Variants in PRKD2 observed in about 807,000 individuals in gnomAD.
The protein encoded by PRKD2 is serine/threonine-protein kinase D2.
PRKD2 carries 22 observed loss-of-function variants against 86.0 expected under a neutral mutation model. That is an observed-to-expected ratio of 0.26 (90% confidence interval 0.18 to 0.37). The LOEUF (loss-of-function observed/expected upper bound fraction) is 0.37, where lower values mean the gene tolerates loss of function less well. PRKD2 is among the 10% of genes least tolerant of loss of function. The pLI, the probability that PRKD2 is intolerant of heterozygous loss-of-function variation, is 1.00. For missense variants in PRKD2, 818 were observed against 1,199.2 expected (o/e 0.68, Z 4.70); for synonymous variants, 509 against 510.9 (o/e 1.00, Z 0.05).
At chr19:46,675,619 AT>A (rs1168942458) in intron 16 of PRKD2, among the ~76,000 whole-genome samples, 1 of 151,860 alleles carries the variant, frequency 6.6e-6, no homozygotes, top group Non-Finnish European at 1.5e-5. Context: ...AACTTTTTGT[AT>A]TTTTAGTAGA....
At position 46,716,008 on chromosome 19, in the gene PRKD2, C is replaced by A; in HGVS notation, c.240+123G>T. On this transcript the variant is annotated intron_variant, in intron 1 of 17. Transcript: ENST00000291281. The surrounding 1 kb of genome is among the most constrained non-coding windows in gnomAD (Gnocchi z 7.9). ...TGGAGGGGGGCAATGCCCCCTATCC[C>A]TCCATCACCCAAAGCTCAGGTCTCC... The A allele has an allele frequency of 7.1e-7, 1 of 1,416,304 alleles. No individual in the cohort carries two copies. 87.7% of individuals were successfully genotyped at this position (1,416,304 alleles called of 1,614,324 possible).
At chr19:46,707,975 G>C (rs556259674) in intron 3 of PRKD2, among the ~76,000 whole-genome samples, 1 of 152,046 alleles carries the variant, frequency 6.6e-6, no homozygotes, top group African/African-American at 2.4e-5. Context: ...GTGTGTGCCT[G>C]TAATCCCAGC....
At chr19:46,687,824 C>T (rs2122631415) in intron 14 of PRKD2, among the ~76,000 whole-genome samples, 1 of 152,234 alleles carries the variant, frequency 6.6e-6, no homozygotes, top group East Asian at 1.9e-4. Flanking sequence ...TGTTTGTTGA[C>T]CAACTGAATG....
chr19:46,688,448 T>TATTATTATTATTATTA (rs60631103), intron 14 of PRKD2, among the ~76,000 whole-genome samples: 2 of 150,620 alleles, frequency 1.3e-5, no homozygotes, highest in African/African-American at 4.9e-5. Context: ...TATTATTTTT[T>TATTATTATTATTATTA]TTTTTGAGAC....
At chr19:46,681,517 C>A in intron 15 of PRKD2, 133 bp downstream of exon 15, 1 of 652,832 alleles carries the variant, frequency 1.5e-6, no homozygotes, top group Admixed American at 2.5e-5. Context: ...CTCAGCCTCT[C>A]AAAATGCTGA....
intron 16 of PRKD2, chr19:46,677,446 T>TC (rs368278362): frequency 1.1e-4 from 16 of 150,128 alleles, no homozygotes; most frequent in East Asian, 3.9e-4. Flanking sequence ...GAATGAATGA[T>TC]CCCCCCCCTT....
chr19:46,710,639 T>C, intron 3 of PRKD2: 1 of 295,114 alleles, frequency 3.4e-6, no homozygotes, highest in South Asian at 4.6e-5. Flanking sequence ...TCTGCTCCCC[T>C]AGGCTCTGTT....
At chr19:46,706,013 A>G (rs1172371568) in intron 3 of PRKD2, among the ~76,000 whole-genome samples, 1 of 151,768 alleles carries the variant, frequency 6.6e-6, no homozygotes, top group Admixed American at 6.6e-5. Context: ...ATACACTACC[A>G]TGCCCAGATA....
chr19:46,695,616 C>T (rs1283959164), intron 9 of PRKD2, among the ~76,000 whole-genome samples: 1 of 152,064 alleles, frequency 6.6e-6, no homozygotes, highest in African/African-American at 2.4e-5. Flanking sequence ...CGCTTGTGTG[C>T]GGAGGGCAGA....
intron 14 of PRKD2, among the ~76,000 whole-genome samples, chr19:46,687,594 G>A (rs944261923): frequency 2.0e-5 from 3 of 152,156 alleles, no homozygotes; most frequent in Non-Finnish European, 2.9e-5. Flanking sequence ...CTACTGCACA[G>A]GTTACTATGA....
At position 46,716,428 on chromosome 19, in the gene PRKD2, CG is replaced by C; in HGVS notation, c.-59del. 6 of 1,132,948 alleles carry C rather than the reference CG, an allele frequency of 5.3e-6. No homozygotes were observed. The highest frequency in any genetic ancestry group is 7.1e-6 in the Non-Finnish European group (6 of 843,400). 70.2% of individuals were successfully genotyped at this position (1,132,948 alleles called of 1,614,324 possible). On this transcript the variant is annotated 5_prime_UTR_variant, in exon 1 of 18. Coordinates refer to ENST00000291281, the MANE Select transcript of PRKD2 (RefSeq NM_016457.5). This position sits in a 1 kb window ranked among gnomAD's most constrained non-coding sequence, Gnocchi z 7.9. ...CACCCGGGACCCGGCCGGGGGGCCC[CG>C]GGGGACCCTGGGTTCTAGATCCGCG...
chr19:46,705,125 GC>G (rs903250696), intron 3 of PRKD2, among the ~76,000 whole-genome samples: 1 of 147,356 alleles, frequency 6.8e-6, no homozygotes, highest in Admixed American at 6.8e-5. Flanking sequence ...CACCCCATCT[GC>G]CCCCCAGGCC....
At chr19:46,714,436 G>C (rs2053853846) in intron 1 of PRKD2, 1 of 388,552 alleles carries the variant, frequency 2.6e-6, no homozygotes, top group Non-Finnish European at 3.5e-6. Context: ...CACTGGGGTG[G>C]GGCGAGCTGG....
At chr19:46,699,940 A>G (rs1568729528) in intron 7 of PRKD2, among the ~76,000 whole-genome samples, 1 of 140,432 alleles carries the variant, frequency 7.1e-6, no homozygotes, top group Non-Finnish European at 1.5e-5. Context: ...AAAAAAAAAA[A>G]GAAGAGGAAT....
In PRKD2 at chr19:46,683,060, A is replaced by T. The variant is rs368487660; in HGVS notation, c.1972-1312T>A. ...GTCACCCAGGCTGAAGTGCAGTATC[A>T]TTCTACAGCCTCAAACTCCTGGGGT... On this transcript the variant is annotated intron_variant, in intron 14 of 17. Transcript: ENST00000291281. Among the ~76,000 whole-genome samples, 8 of 150,946 alleles carry T rather than the reference A, an allele frequency of 5.3e-5. No homozygotes were observed. In the East Asian group the frequency reaches 1.4e-3, roughly 26 times the overall value.
At chr19:46,680,946 A>ATTTTT (rs1222612655) in intron 15 of PRKD2, among the ~76,000 whole-genome samples, 11 of 48,222 alleles carry the variant, frequency 2.3e-4, no homozygotes, top group Non-Finnish European at 3.6e-4. Flanking sequence ...ATATATATAT[A>ATTTTT]TTTTTTTTTT....
In PRKD2 at chr19:46,701,549, C is replaced by T. The variant is rs567310206; in HGVS notation, c.890-437G>A. ...TGTGTTTTTAGTAGAGACGGGGTTTCGCCATGTTGGTCAGGCTGGTTTCGC... is the reference window on the plus strand; with the variant it reads ...TGTGTTTTTAGTAGAGACGGGGTTTTGCCATGTTGGTCAGGCTGGTTTCGC... On this transcript the variant is annotated intron_variant, in intron 5 of 17. Transcript: ENST00000291281. Among the ~76,000 whole-genome samples the T allele has an allele frequency of 1.3e-4, 19 of 151,764 alleles. No homozygotes were observed. The South Asian group carries it at 2.3e-3, about 18-fold the overall frequency.
intron 9 of PRKD2, among the ~76,000 whole-genome samples, chr19:46,695,205 G>C (rs560840524): frequency 2.3e-4 from 35 of 150,544 alleles, no homozygotes; most frequent in Non-Finnish European, 2.8e-4. Flanking sequence ...TAAATAAATG[G>C]GCTGGGCATG....
intron 9 of PRKD2, 101 bp from the exon 10 acceptor site, chr19:46,694,234 G>A: frequency 1.4e-6 from 2 of 1,463,694 alleles, no homozygotes; most frequent in African/African-American, 1.4e-5. Context: ...ATAGGGATGG[G>A]CCTGGTTTGC....
Sources: gnomAD v4.1 joint callset for allele counts (sites outside exome capture counted in the v4.1 genomes callset) on GRCh38, gnomAD v4.1.1 for gene constraint, Gnocchi (gnomAD v3.1) non-coding constraint, MANE v1.5 for transcripts, NCBI Gene and HGNC (gene_info 2026-07-23, HGNC 2026-07-21) for gene names.